The following ITGB1 variants were observed in gnomAD, a reference collection of about 807,000 sequenced individuals.
ITGB1 encodes integrin beta-1.
ITGB1 carries 24 observed loss-of-function variants against 86.5 expected under a neutral mutation model. The observed-to-expected ratio is 0.28, with a 90% CI of 0.20 to 0.39. The LOEUF is 0.39. Ranked by LOEUF, ITGB1 falls within the 10% of genes least tolerant of loss-of-function variation. ITGB1 has a pLI of 1.00. For synonymous variants in ITGB1, 323 were observed against 316.8 expected (o/e 1.02, Z -0.21); for missense variants, 556 against 946.9 (o/e 0.59, Z 5.42).
rs1407408487 is a variant in ITGB1, at chr10:32,926,061, G to T, written c.596C>A (p.Thr199Lys). The T allele has an allele frequency of 2.5e-6, 4 of 1,614,000 alleles. No homozygotes were observed. The highest frequency in any genetic ancestry group is 3.3e-5 in the Admixed American group (2 of 59,998). The change falls in exon 6 of 16, where the codon ACA (threonine) becomes AAA (lysine). Residue 199 changes from threonine (T) to lysine (K), a missense_variant. Physicochemically the swap from Thr to Lys is moderately conservative, Grantham distance 78. Transcript: ENST00000302278. ...EKTVMPYIST[T>K]PAKLRNPCTS... ...GCAAGGGTTCCTGAGCTTAGCTGGT[G>T]TTGTGCTAATGTAAGGCATCACAGT...
rs1459139024 is a variant in ITGB1 at position 32,911,449 on chromosome 10, T to C, written c.1930A>G (p.Lys644Glu). 3 of 1,613,480 alleles carry C rather than the reference T, an allele frequency of 1.9e-6. No homozygotes were observed. The highest frequency in any genetic ancestry group is 2.5e-6 in the Non-Finnish European group (3 of 1,179,614). ...TTCAAGCAATTAGGAAATACTTACT[T>C]ATGCTCAGCACAGACACCAAGGCAG... The part of the protein sequence containing the change: ...QTCLGVCAEH[K>E]ECVQCRAFNK... The change falls in exon 13 of 16, where the codon AAA (lysine) becomes GAA (glutamate). Residue 644 changes from lysine (K) to glutamate (E), a missense_variant and splice_region_variant. By Grantham distance (56) the Lys-to-Glu change is moderately conservative (BLOSUM62 1). Around this residue, in one of 4 missense-constraint regions of ITGB1, gnomAD observed 330 missense variants for 531.5 expected, o/e 0.62. Transcript: ENST00000302278.
chr10:32,926,225 A>C, intron 5 of ITGB1, 116 bp from the exon 6 acceptor site: 1 of 765,392 alleles, frequency 1.3e-6, no homozygotes, highest in Non-Finnish European at 2.1e-6. Context: ...CTATGGACTG[A>C]ATGTCTGTGT....
chr10:32,928,342 G>A lies in ITGB1; in HGVS notation c.377-78C>T, dbSNP rs111844634. On this transcript the variant is annotated intron_variant, in intron 4 of 15. Transcript: ENST00000302278. Reference sequence around the variant, plus strand: ...AAACGAGAAAAACCAAATAAATGTGGTTTACACGGTAAACACAATAAAATA... The same window carrying A: ...AAACGAGAAAAACCAAATAAATGTGATTTACACGGTAAACACAATAAAATA... 3 of 675,300 alleles carry A rather than the reference G, an allele frequency of 4.4e-6. No homozygotes were observed. The East Asian group carries it at 7.7e-5, about 17-fold the overall frequency. 41.8% of individuals were successfully genotyped at this position (675,300 alleles called of 1,614,324 possible). A position where few individuals can be genotyped will look rare whatever the true frequency, so the allele number is the denominator to read the frequency against.
intron 1 of ITGB1, among the ~76,000 whole-genome samples, chr10:32,952,592 A>C (rs2137269099): frequency 6.6e-6 from 1 of 152,332 alleles, no homozygotes; most frequent in Admixed American, 6.5e-5. Flanking sequence ...CGAAAGCTTA[A>C]GTTATTTACA....
At chr10:32,937,846 A>G (rs1187257191) in intron 1 of ITGB1, among the ~76,000 whole-genome samples, 3 of 152,202 alleles carry the variant, frequency 2.0e-5, no homozygotes, top group Non-Finnish European at 4.4e-5. Flanking sequence ...TTCCTTTAAT[A>G]TGAAAAAAGT....
intron 5 of ITGB1, among the ~76,000 whole-genome samples, chr10:32,926,650 G>A (rs755568068): frequency 3.3e-5 from 5 of 152,160 alleles, no homozygotes; most frequent in East Asian, 1.9e-4. Flanking sequence ...TGATGCTAGC[G>A]CCATGCTTCC....
At chr10:32,912,292 T>C (rs1469459870) in intron 11 of ITGB1, among the ~76,000 whole-genome samples, 168 bp from the exon 12 acceptor site, 1 of 152,214 alleles carries the variant, frequency 6.6e-6, no homozygotes, top group Non-Finnish European at 1.5e-5. Flanking sequence ...TCACTGGGGC[T>C]TGCTGGACAG....
At chr10:32,936,819 C>T (rs142746713) in intron 1 of ITGB1, among the ~76,000 whole-genome samples, 125 of 152,210 alleles carry the variant, frequency 8.2e-4, no homozygotes, top group African/African-American at 2.9e-3. Context: ...ATCTGTCCCT[C>T]CACAAGAAGA....
In ITGB1 at chr10:32,903,580, A is replaced by G. The variant is rs138681465; in HGVS notation, c.2332-1945T>C. 3.9e-5 allele frequency among the ~76,000 whole-genome samples: 6 copies of G among 152,242 alleles called. No homozygotes were observed. The East Asian group carries it at 7.7e-4, about 20-fold the overall frequency. ...CAGCTCAGCAGCTCATGTGATACCAATCAGAACCAGACAACATACCTCAGC... is the reference window on the plus strand; with the variant it reads ...CAGCTCAGCAGCTCATGTGATACCAGTCAGAACCAGACAACATACCTCAGC... On this transcript the variant is annotated intron_variant, in intron 15 of 15. Coordinates refer to ENST00000302278, the MANE Select transcript of ITGB1 (RefSeq NM_002211.4).
intron 11 of ITGB1, among the ~76,000 whole-genome samples, 168 bp downstream of exon 11, chr10:32,919,717 T>C (rs2094942719): frequency 6.6e-6 from 1 of 152,172 alleles, no homozygotes; most frequent in South Asian, 2.1e-4. Flanking sequence ...GAACTTTCTA[T>C]AAATATCACA....
chr10:32,956,536 T>C (rs1267459151), intron 1 of ITGB1, among the ~76,000 whole-genome samples: 3 of 152,046 alleles, frequency 2.0e-5, no homozygotes, highest in African/African-American at 7.2e-5. Context: ...AGTGAAATCC[T>C]GTCTCTACAA....
chr10:32,948,410 T>C (rs1482557680), intron 1 of ITGB1, among the ~76,000 whole-genome samples: 1 of 152,056 alleles, frequency 6.6e-6, no homozygotes, highest in Non-Finnish European at 1.5e-5. Flanking sequence ...CTCTGAACAC[T>C]GATATCACAG....
chr10:32,948,721 T>C (rs745493463), intron 1 of ITGB1, among the ~76,000 whole-genome samples: 2 of 152,092 alleles, frequency 1.3e-5, no homozygotes, highest in Non-Finnish European at 2.9e-5. Context: ...CCTTCTACCA[T>C]GGGATGATGC....
chr10:32,927,024 T>C (rs2094967206), intron 5 of ITGB1, among the ~76,000 whole-genome samples: 2 of 152,160 alleles, frequency 1.3e-5, no homozygotes, highest in South Asian at 4.1e-4. Flanking sequence ...ACTTTAAAAA[T>C]AACTCACATT....
intron 1 of ITGB1, chr10:32,953,594 T>A (rs1199661739): frequency 2.6e-5 from 4 of 151,116 alleles, no homozygotes; most frequent in Non-Finnish European, 5.9e-5. Context: ...TCTACTTACA[T>A]CAGGCAGCAG....
intron 11 of ITGB1, among the ~76,000 whole-genome samples, chr10:32,913,097 G>A (rs1254978385): frequency 6.6e-5 from 10 of 152,138 alleles, no homozygotes; most frequent in Non-Finnish European, 1.5e-5. Context: ...TGCAGCTGAG[G>A]GTCCTGACTG....
intron 2 of ITGB1, 42 bp from the exon 3 acceptor site, chr10:32,932,642 T>C: frequency 9.0e-7 from 1 of 1,108,498 alleles, no homozygotes; most frequent in Non-Finnish European, 1.4e-6. Context: ...ATGTGAAGTG[T>C]CAGAGAGAAA....
intron 1 of ITGB1, among the ~76,000 whole-genome samples, chr10:32,953,238 T>C (rs1043931564): frequency 6.6e-6 from 1 of 152,220 alleles, no homozygotes; most frequent in Non-Finnish European, 1.5e-5. Context: ...TATTACATGG[T>C]ACAGTATTTT....
intron 1 of ITGB1, among the ~76,000 whole-genome samples, chr10:32,954,000 C>T (rs1379051042): frequency 2.0e-5 from 3 of 152,158 alleles, no homozygotes; most frequent in Admixed American, 6.5e-5. Context: ...TCCACCCCCC[C>T]TTGACTATTA....
Sources: gnomAD v4.1 joint callset for allele counts (sites outside exome capture counted in the v4.1 genomes callset) on GRCh38, gnomAD v4.1.1 for gene constraint, gnomAD v4.1.1 regional missense constraint, MANE v1.5 for transcripts, NCBI Gene and HGNC (gene_info 2026-07-23, HGNC 2026-07-21) for gene names.